The following KALRN variants were observed in gnomAD, a reference collection of about 807,000 sequenced individuals.
KALRN encodes kalirin.
Under a neutral mutation model 353.7 loss-of-function variants are expected in KALRN, and 70 were observed. That is an observed-to-expected ratio of 0.20 (90% CI 0.16 to 0.24). The LOEUF is 0.24. Ranked by LOEUF, KALRN falls within the 10% of genes least tolerant of loss-of-function variation. The pLI, the probability that KALRN is intolerant of heterozygous loss-of-function variation, is 1.00. For synonymous variants in KALRN, 1,391 were observed against 1,434.8 expected (o/e 0.97, Z 0.69); for missense variants, 2,791 against 3,756.7 (o/e 0.74, Z 6.72).
intron 11 of KALRN, among the ~76,000 whole-genome samples, chr3:124,392,799 T>A (rs1194469025): frequency 5.3e-5 from 8 of 150,138 alleles, no homozygotes; most frequent in Admixed American, 3.3e-4. Context: ...ATTTTTTTTT[T>A]ATTATACTTT....
rs530759135 is a variant in KALRN at position 124,072,532 on chromosome 3, C to T, written c.73+38719C>T. On this transcript the variant is annotated intron_variant, in intron 1 of 59. Coordinates refer to ENST00000682506, the MANE Select transcript of KALRN (RefSeq NM_001388419.1). ...AGGGTAATTTAGCCCATAGAGGTTT[C>T]CTGGAGGTAACAGTGAAGCCCATCC... Among the ~76,000 whole-genome samples, 12 of 152,226 alleles carry T rather than the reference C, an allele frequency of 7.9e-5. No homozygotes were observed. In the East Asian group the frequency reaches 2.3e-3, roughly 29 times the overall value.
intron 1 of KALRN, among the ~76,000 whole-genome samples, chr3:124,155,013 A>T (rs1239832741): frequency 6.6e-6 from 1 of 152,246 alleles, no homozygotes; most frequent in Non-Finnish European, 1.5e-5. Context: ...TGGGGAAAGG[A>T]TTCCCTATTT....
intron 58 of KALRN, among the ~76,000 whole-genome samples, chr3:124,715,982 T>G (rs2063117481): frequency 6.6e-6 from 1 of 151,988 alleles, no homozygotes; most frequent in Non-Finnish European, 1.5e-5. Context: ...TATGATAATA[T>G]TAATTCATTA....
rs573502225 is a variant in KALRN, at chr3:124,717,458, G to A, written c.8415+73G>A. 1.3e-4 allele frequency: 136 copies of A among 1,077,754 alleles called. No homozygotes were observed. The East Asian group carries it at 3.0e-3, about 24-fold the overall frequency. 66.8% of individuals were successfully genotyped at this position (1,077,754 alleles called of 1,614,324 possible). A position where few individuals can be genotyped will look rare whatever the true frequency, so the allele number is the denominator to read the frequency against. ...TCCCAGCACTTTGGGAGGCCAAGGT[G>A]GGCGGATCACAAGGTCAGGAGATCG... is the stretch of plus-strand genomic sequence containing the variant. On this transcript the variant is annotated intron_variant, in intron 59 of 59. Transcript: ENST00000682506.
chr3:124,668,049 C>A (rs1287459468), intron 47 of KALRN, among the ~76,000 whole-genome samples: 3 of 29,082 alleles, frequency 1.0e-4, no homozygotes, highest in Non-Finnish European at 2.3e-4. Context: ...TCGAGACACA[C>A]ACACACACAC....
chr3:124,505,117 CT>C (rs1417023243), intron 33 of KALRN, among the ~76,000 whole-genome samples: 3 of 152,130 alleles, frequency 2.0e-5, no homozygotes. Flanking sequence ...TGATGTATCA[CT>C]TACCCTTTCT....
At chr3:124,651,169 A>G (rs1038667118) in intron 38 of KALRN, among the ~76,000 whole-genome samples, 4 of 152,244 alleles carry the variant, frequency 2.6e-5, no homozygotes, top group African/African-American at 9.6e-5. Flanking sequence ...TATTACTGAC[A>G]AAGTGTGGTT....
At chr3:124,256,291 C>A (rs1355039643) in intron 3 of KALRN, among the ~76,000 whole-genome samples, 2 of 152,180 alleles carry the variant, frequency 1.3e-5, no homozygotes, top group Non-Finnish European at 2.9e-5. Context: ...TCCAGAGAGA[C>A]CTGTGGCTTG....
chr3:124,448,907 A>T (rs1577023678), intron 21 of KALRN, among the ~76,000 whole-genome samples: 1 of 152,142 alleles, frequency 6.6e-6, no homozygotes, highest in South Asian at 2.1e-4. Flanking sequence ...GTTTGAGTAG[A>T]TTCACCCCCT....
chr3:124,620,243 G>A (rs954837030), intron 34 of KALRN, among the ~76,000 whole-genome samples: 3 of 152,082 alleles, frequency 2.0e-5, no homozygotes, highest in Non-Finnish European at 4.4e-5. Flanking sequence ...TGAGACAACA[G>A]GAGCGCACCA....
chr3:124,448,122 T>C (rs2093900052), intron 21 of KALRN, among the ~76,000 whole-genome samples: 1 of 152,222 alleles, frequency 6.6e-6, no homozygotes, highest in Non-Finnish European at 1.5e-5. Flanking sequence ...CAGAACGTCA[T>C]AGGATCAAAA....
intron 3 of KALRN, among the ~76,000 whole-genome samples, chr3:124,241,886 G>A (rs1321735640): frequency 6.6e-6 from 1 of 152,200 alleles, no homozygotes; most frequent in Non-Finnish European, 1.5e-5. Flanking sequence ...GGTAGGAATG[G>A]GCCAGTCAGA....
intron 6 of KALRN, among the ~76,000 whole-genome samples, chr3:124,302,135 T>A (rs34359501): frequency 0.2 from 30,257 of 152,178 alleles, 3,102 homozygotes; most frequent in South Asian, 0.29. Flanking sequence ...GAACCTTATC[T>A]CTTCTTTATT....
In KALRN at chr3:124,334,515, G is replaced by T; in HGVS notation, c.1647+20G>T. Reference sequence around the variant, plus strand: ...CAGCAGGTAACAGGCTCTGAGCCCCGGTGTCCATTATCCATTCTAGGAGGC... The same window carrying T: ...CAGCAGGTAACAGGCTCTGAGCCCCTGTGTCCATTATCCATTCTAGGAGGC... On this transcript the variant is annotated intron_variant, in intron 9 of 59. Transcript: ENST00000682506. This position sits in a 1 kb window ranked among gnomAD's most constrained non-coding sequence, Gnocchi z 4.2. The T allele has an allele frequency of 1.3e-6, 2 of 1,570,758 alleles. No homozygotes were observed. The highest frequency in any genetic ancestry group is 1.7e-6 in the Non-Finnish European group (2 of 1,145,838).
chr3:124,601,070 C>T (rs1231272235), intron 34 of KALRN, among the ~76,000 whole-genome samples: 1 of 152,188 alleles, frequency 6.6e-6, no homozygotes, highest in Non-Finnish European at 1.5e-5. Flanking sequence ...GAGGGTCAGA[C>T]TGAGTCCCCC....
intron 1 of KALRN, among the ~76,000 whole-genome samples, chr3:124,192,885 G>A (rs986185719): frequency 6.6e-6 from 1 of 152,192 alleles, no homozygotes; most frequent in Non-Finnish European, 1.5e-5. Flanking sequence ...AGTCTGTGGG[G>A]TGTTTTGTTA....
intron 34 of KALRN, among the ~76,000 whole-genome samples, chr3:124,622,210 G>A (rs1426980570): frequency 6.6e-6 from 1 of 152,052 alleles, no homozygotes; most frequent in Non-Finnish European, 1.5e-5. Flanking sequence ...AAGGTCAAAG[G>A]ACCCCTCTGT....
At chr3:124,486,626 T>C (rs1396970404) in intron 28 of KALRN, among the ~76,000 whole-genome samples, 1 of 152,134 alleles carries the variant, frequency 6.6e-6, no homozygotes, top group Non-Finnish European at 1.5e-5. Flanking sequence ...TCTTACCAAG[T>C]ATAAAGCTTG....
intron 34 of KALRN, among the ~76,000 whole-genome samples, chr3:124,570,637 T>C (rs1017904075): frequency 6.6e-6 from 1 of 152,188 alleles, no homozygotes; most frequent in African/African-American, 2.4e-5. Context: ...AATGTTGTAA[T>C]TTATTTGAGT....
Sources: allele counts gnomAD v4.1 joint callset (sites outside exome capture counted in the v4.1 genomes callset), GRCh38; gene constraint gnomAD v4.1.1; non-coding constraint Gnocchi (gnomAD v3.1); transcripts MANE v1.5; gene names NCBI Gene and HGNC (gene_info 2026-07-23, HGNC 2026-07-21).